The following GALNT13 variants were observed in gnomAD, a reference collection of about 807,000 sequenced individuals.
GALNT13 encodes the protein UDP-GalNAc:polypeptide N-acetylgalactosaminyltransferase 13.
Under a neutral mutation model 64.2 loss-of-function variants are expected in GALNT13, and 28 were observed. The observed-to-expected ratio is 0.44, with a 90% CI of 0.32 to 0.60. The LOEUF (loss-of-function observed/expected upper bound fraction) is 0.60. Ranked by LOEUF, GALNT13 falls within the 20% of genes least tolerant of loss-of-function variation. GALNT13 has a pLI of 0.05. For synonymous variants in GALNT13, 214 were observed against 224.6 expected, an observed-to-expected ratio of 0.95 and a Z score of 0.42; for missense variants, 577 against 669.8, an observed-to-expected ratio of 0.86 and a Z score of 1.53.
intron 6 of GALNT13, among the ~76,000 whole-genome samples, chr2:154,245,103 C>CT (rs1471305950): frequency 7.4e-5 from 4 of 54,288 alleles, no homozygotes; most frequent in Non-Finnish European, 1.2e-4. Context: ...AAGGCTCTGT[C>CT]AAAATAAATA....
At chr2:153,183,016 T>C in the GALNT13 span, among the ~76,000 whole-genome samples, 1 of 152,238 alleles carries the variant, frequency 6.6e-6, no homozygotes, top group Non-Finnish European at 1.5e-5. Flanking sequence ...CTGGGTTGAA[T>C]GGTATATCTG....
chr2:153,602,425 A>AG, the GALNT13 span, among the ~76,000 whole-genome samples: 5 of 151,624 alleles, frequency 3.3e-5, no homozygotes, highest in Non-Finnish European at 5.9e-5. Context: ...TTTGGTGGGT[A>AG]GGGGGGCAGG....
chr2:154,181,378 T>C (rs1000350161), intron 4 of GALNT13, among the ~76,000 whole-genome samples: 2 of 152,146 alleles, frequency 1.3e-5, no homozygotes, highest in African/African-American at 4.8e-5. Flanking sequence ...CAATGAGGCA[T>C]TTATTTAATA....
the GALNT13 span, among the ~76,000 whole-genome samples, chr2:153,624,792 C>CT: frequency 0.012 from 1,419 of 121,186 alleles, 10 homozygotes; most frequent in African/African-American, 0.021. Context: ...GGAAGAGAGA[C>CT]TTTTTTTTTT....
intron 4 of GALNT13, among the ~76,000 whole-genome samples, chr2:154,173,498 A>G (rs1685480722): frequency 6.6e-6 from 1 of 151,972 alleles, no homozygotes; most frequent in African/African-American, 2.4e-5. Flanking sequence ...TCTGGAAAGT[A>G]TTTTCTGTGT....
chr2:153,951,576 A>G (rs1235850529), intron 3 of GALNT13, among the ~76,000 whole-genome samples: 1 of 152,038 alleles, frequency 6.6e-6, no homozygotes, highest in Admixed American at 6.6e-5. Context: ...GTCAAGGTCA[A>G]GTCTCTGGAT....
intron 8 of GALNT13, among the ~76,000 whole-genome samples, chr2:154,296,064 A>T (rs1216440669): frequency 6.6e-6 from 1 of 152,090 alleles, no homozygotes; most frequent in African/African-American, 2.4e-5. Context: ...GCCTTTCTCA[A>T]AGTGTGCCTC....
the GALNT13 span, among the ~76,000 whole-genome samples, chr2:153,767,216 T>C: frequency 6.6e-6 from 1 of 152,186 alleles, no homozygotes; most frequent in Non-Finnish European, 1.5e-5. Flanking sequence ...TGGTTTTCTG[T>C]TTCTGCATTA....
At chr2:153,633,719 C>T in the GALNT13 span, among the ~76,000 whole-genome samples, 3 of 152,052 alleles carry the variant, frequency 2.0e-5, no homozygotes, top group East Asian at 3.9e-4. Flanking sequence ...GTCTTCTTAG[C>T]GTATTTTCAG....
the GALNT13 span, among the ~76,000 whole-genome samples, chr2:153,708,250 AAATGAT>A: frequency 1.8e-4 from 27 of 152,164 alleles, no homozygotes; most frequent in African/African-American, 6.0e-4. Flanking sequence ...AAAGTCTGGA[AAATGAT>A]AATGATAATG....
At chr2:153,361,756 C>A in the GALNT13 span, among the ~76,000 whole-genome samples, 73,951 of 151,816 alleles carry the variant, frequency 0.49, 18,754 homozygotes, top group African/African-American at 0.55. Context: ...GATTGGAGTA[C>A]CTGAAAGAGA....
intron 3 of GALNT13, 49 bp from the exon 4 acceptor site, chr2:154,140,288 C>G (rs2105578704): frequency 7.3e-7 from 1 of 1,373,182 alleles, no homozygotes. Flanking sequence ...TTATTCAGTT[C>G]ATTATCTGTG....
At chr2:154,303,077 G>C (rs564755195) in intron 9 of GALNT13, among the ~76,000 whole-genome samples, 6 of 152,276 alleles carry the variant, frequency 3.9e-5, no homozygotes, top group Non-Finnish European at 7.4e-5. Context: ...AAGCGGCTAC[G>C]TTGTCTGGAG....
At chr2:154,395,404 T>G (rs1699010752) in intron 9 of GALNT13, among the ~76,000 whole-genome samples, 1 of 152,198 alleles carries the variant, frequency 6.6e-6, no homozygotes, top group Admixed American at 6.5e-5. Flanking sequence ...ATTTGTTTGT[T>G]AGTTTCTTTA....
the GALNT13 span, among the ~76,000 whole-genome samples, chr2:153,731,602 G>C: frequency 5.9e-5 from 9 of 151,920 alleles, no homozygotes; most frequent in African/African-American, 2.2e-4. Context: ...CATATTACAT[G>C]ACACAGGACT....
chr2:153,423,129 TATAAC>T, the GALNT13 span, among the ~76,000 whole-genome samples: 1 of 151,844 alleles, frequency 6.6e-6, no homozygotes, highest in African/African-American at 2.4e-5. Flanking sequence ...TATTACCAAA[TATAAC>T]AAAGAAAAAC....
At chr2:153,441,256 G>T in the GALNT13 span, among the ~76,000 whole-genome samples, 1 of 152,136 alleles carries the variant, frequency 6.6e-6, no homozygotes, top group African/African-American at 2.4e-5. Flanking sequence ...ACAGATGGTT[G>T]TATATGTGTG....
At chr2:153,753,686 T>C in the GALNT13 span, among the ~76,000 whole-genome samples, 2 of 152,132 alleles carry the variant, frequency 1.3e-5, no homozygotes, top group African/African-American at 4.8e-5. Context: ...CTGGGTCTTG[T>C]CTAAGGTTTG....
chr2:154,246,870 T>A (rs1689811573), intron 7 of GALNT13, among the ~76,000 whole-genome samples: 3 of 151,988 alleles, frequency 2.0e-5, no homozygotes, highest in Non-Finnish European at 4.4e-5. Context: ...TGGAAGGACA[T>A]TGAACTAAAG....
Sources: gnomAD v4.1 joint callset for allele counts (sites outside exome capture counted in the v4.1 genomes callset) on GRCh38, gnomAD v4.1.1 for gene constraint, MANE v1.5 for transcripts, NCBI Gene and HGNC (gene_info 2026-07-23, HGNC 2026-07-21) for gene names.